The following ASTN2 variants were observed in gnomAD, a reference collection of about 807,000 sequenced individuals.
ASTN2 encodes astrotactin 2, also known as astrotactin-2.
ASTN2 carries 54 observed loss-of-function variants against 139.8 expected under a neutral mutation model. The observed-to-expected ratio is 0.39, with a 90% confidence interval of 0.31 to 0.48. The LOEUF (loss-of-function observed/expected upper bound fraction) is 0.48. ASTN2 is among the 20% of genes least tolerant of loss of function. The pLI is 0.95. For synonymous variants in ASTN2, 756 were observed against 719.5 expected (o/e 1.05, Z -0.81); for missense variants, 1,565 against 1,725.1 (o/e 0.91, Z 1.64).
At chr9:117,371,167 A>G (rs139404488) in intron 1 of ASTN2, among the ~76,000 whole-genome samples, 1 of 151,968 alleles carries the variant, frequency 6.6e-6, no homozygotes, top group Non-Finnish European at 1.5e-5. Context: ...ACCCATAACA[A>G]TCCTAAGGGA....
intron 11 of ASTN2, among the ~76,000 whole-genome samples, chr9:116,831,651 G>A (rs114892706): frequency 0.026 from 3,913 of 152,180 alleles, 191 homozygotes; most frequent in African/African-American, 0.09. Flanking sequence ...AAAAGTTAAC[G>A]AGGATGGGGT....
rs866257702 is a variant in ASTN2 at position 117,151,303 on chromosome 9, T to G, written c.1016-9825A>C. Among the ~76,000 whole-genome samples the G allele has an allele frequency of 3.3e-5, 5 of 152,128 alleles. No homozygotes were observed. The East Asian group carries it at 9.6e-4, about 29-fold the overall frequency. On this transcript the variant is annotated intron_variant, in intron 3 of 22. Transcript: ENST00000313400. ...CAGAGTCACTAGCCAAATTCCTCCC[T>G]CCCAGATCTATCCTGTCCATGACTT...
At chr9:117,195,210 T>C (rs1380763251) in intron 3 of ASTN2, among the ~76,000 whole-genome samples, 1 of 152,188 alleles carries the variant, frequency 6.6e-6, no homozygotes, top group Non-Finnish European at 1.5e-5. Context: ...AAGAGGTTTG[T>C]CTGAAGAAAT....
intron 16 of ASTN2, among the ~76,000 whole-genome samples, chr9:116,707,515 C>T (rs979486312): frequency 6.6e-6 from 1 of 151,916 alleles, no homozygotes; most frequent in Non-Finnish European, 1.5e-5. Flanking sequence ...TCCCTCCTCC[C>T]CAACCCCTCC....
At chr9:116,808,309 T>G (rs796402894) in intron 12 of ASTN2, among the ~76,000 whole-genome samples, 6 of 131,326 alleles carry the variant, frequency 4.6e-5, no homozygotes, top group South Asian at 2.6e-4. Flanking sequence ...GTGTGTGTGT[T>G]TGTGTTTGTG....
intron 1 of ASTN2, 32 bp from the exon 2 acceptor site, chr9:117,291,545 C>A (rs1834593992): frequency 6.4e-7 from 1 of 1,550,492 alleles, no homozygotes; most frequent in South Asian, 1.2e-5. Context: ...ACTGGGTGAG[C>A]CGTACGCCTG....
chr9:116,468,084 C>A (rs959023423), intron 20 of ASTN2, among the ~76,000 whole-genome samples: 1 of 152,170 alleles, frequency 6.6e-6, no homozygotes. Context: ...GGACATGAAG[C>A]CGTGAATGAC....
intron 3 of ASTN2, among the ~76,000 whole-genome samples, chr9:117,185,195 C>G (rs957954331): frequency 1.3e-5 from 2 of 152,272 alleles, no homozygotes; most frequent in South Asian, 2.1e-4. Flanking sequence ...AAATCCTCTT[C>G]TTTTTTACAT....
intron 3 of ASTN2, among the ~76,000 whole-genome samples, chr9:117,146,510 C>A (rs1178645748): frequency 6.7e-6 from 1 of 148,766 alleles, no homozygotes; most frequent in Non-Finnish European, 1.5e-5. Context: ...AAAGAGATAA[C>A]TGTGCTCAGT....
intron 4 of ASTN2, among the ~76,000 whole-genome samples, chr9:117,096,434 C>T (rs1391135061): frequency 1.3e-5 from 2 of 152,152 alleles, no homozygotes; most frequent in African/African-American, 2.4e-5. Context: ...TAAAATTATT[C>T]ACCTTGTGAG....
intron 13 of ASTN2, among the ~76,000 whole-genome samples, chr9:116,759,767 C>T (rs1367941302): frequency 6.6e-6 from 1 of 152,080 alleles, no homozygotes; most frequent in African/African-American, 2.4e-5. Context: ...TCTGCTGCTG[C>T]CCCATCCCCA....
At chr9:116,718,990 A>ATATATATATATATATATATATATATATT (rs1243184113) in intron 16 of ASTN2, among the ~76,000 whole-genome samples, 1 of 145,108 alleles carries the variant, frequency 6.9e-6, no homozygotes, top group Non-Finnish European at 1.5e-5. Context: ...ATATATATAT[A>ATATATATATATATATATATATATATATT]TCTGCCTATA....
At chr9:116,997,526 T>A (rs1195386096) in intron 7 of ASTN2, among the ~76,000 whole-genome samples, 1 of 152,158 alleles carries the variant, frequency 6.6e-6, no homozygotes, top group East Asian at 1.9e-4. Flanking sequence ...AAAGGATTCA[T>A]GCCTGCCTCT....
chr9:116,697,666 A>G, intron 16 of ASTN2: 1 of 1,578,900 alleles, frequency 6.3e-7, no homozygotes, highest in Non-Finnish European at 8.6e-7. Flanking sequence ...CTTTAGCAGG[A>G]ATTTGACCCT....
At position 117,346,010 on chromosome 9, in the gene ASTN2, C is replaced by CAA. The variant is rs35773511; in HGVS notation, c.443-54499_443-54498dup. Among the ~76,000 whole-genome samples the CAA allele has an allele frequency of 2.0e-3, 187 of 92,346 alleles. 2 individuals carry two copies. The highest frequency in any genetic ancestry group is 1.6e-3 in the Non-Finnish European group (68 of 43,692). The allele number at this position is 92,346 out of a possible 152,430, so 60.6% of individuals were successfully genotyped here. ...CATTGCCACTTAGTGAACTAAGAGG[C>CAA]AAAAAAAAAAAAAAAAGGAAAAGGA... On this transcript the variant is annotated intron_variant, in intron 1 of 22. Coordinates refer to ENST00000313400, the MANE Select transcript of ASTN2 (RefSeq NM_001365068.1).
chr9:116,571,326 C>T (rs913902019), intron 19 of ASTN2, among the ~76,000 whole-genome samples: 5 of 152,188 alleles, frequency 3.3e-5, no homozygotes, highest in South Asian at 2.1e-4. Context: ...GCTGAGCACT[C>T]AATCTGGACT....
intron 19 of ASTN2, chr9:116,583,766 CA>C (rs1854041929): frequency 6.6e-6 from 1 of 152,058 alleles, no homozygotes; most frequent in Non-Finnish European, 1.5e-5. Flanking sequence ...GACAGGTCCT[CA>C]AAGCAAAAAG....
chr9:116,675,851 A>T (rs549509937), intron 16 of ASTN2, among the ~76,000 whole-genome samples: 1 of 152,294 alleles, frequency 6.6e-6, no homozygotes, highest in South Asian at 2.1e-4. Context: ...TTTAGAGGTC[A>T]TGCCTTCCCA....
intron 13 of ASTN2, among the ~76,000 whole-genome samples, chr9:116,760,555 C>G (rs989635106): frequency 6.6e-6 from 1 of 152,160 alleles, no homozygotes; most frequent in Non-Finnish European, 1.5e-5. Flanking sequence ...GGGAGGATTC[C>G]GAGCGAGGAA....
Sources: allele counts gnomAD v4.1 joint callset (sites outside exome capture counted in the v4.1 genomes callset), GRCh38; gene constraint gnomAD v4.1.1; transcripts MANE v1.5; gene names NCBI Gene and HGNC (gene_info 2026-07-23, HGNC 2026-07-21).